The following CCDC138 variants were observed in gnomAD, a reference collection of about 807,000 sequenced individuals.
CCDC138 encodes the protein coiled-coil domain-containing protein 138.
Under a neutral mutation model 82.3 loss-of-function variants are expected in CCDC138, and 66 were observed. That is an observed-to-expected ratio of 0.80 (90% CI 0.66 to 0.98). CCDC138 has a LOEUF of 0.98. Ranked by LOEUF, CCDC138 falls within the 50% of genes least tolerant of loss-of-function variation. The pLI, the probability that CCDC138 is intolerant of heterozygous loss-of-function variation, is 0.00. For missense variants in CCDC138, 816 were observed against 758.9 expected, an observed-to-expected ratio of 1.08 and a Z score of -0.88; for synonymous variants, 297 against 265.4, an observed-to-expected ratio of 1.12 and a Z score of -1.16.
chr2:108,848,968 A>T (rs763948358), intron 12 of CCDC138, among the ~76,000 whole-genome samples: 2 of 152,232 alleles, frequency 1.3e-5, no homozygotes, highest in Non-Finnish European at 2.9e-5. Flanking sequence ...TATTATAACT[A>T]TATCCCTGTG....
intron 10 of CCDC138, among the ~76,000 whole-genome samples, chr2:108,817,287 A>G (rs766293065): frequency 1.5e-4 from 23 of 151,654 alleles, no homozygotes; most frequent in Non-Finnish European, 2.2e-4. Flanking sequence ...TGGAATTCAG[A>G]TAATCTTTTT....
chr2:108,832,651 A>G (rs924484715), intron 10 of CCDC138, among the ~76,000 whole-genome samples: 52 of 152,300 alleles, frequency 3.4e-4, no homozygotes, highest in African/African-American at 1.2e-3. Flanking sequence ...TTTGAGAACC[A>G]CTGGTATAGG....
chr2:108,839,351 A>C, intron 11 of CCDC138, 50 bp downstream of exon 11: 1 of 1,444,146 alleles, frequency 6.9e-7, no homozygotes, highest in Non-Finnish European at 9.5e-7. Context: ...ACCTAATATT[A>C]CTTCTTGATC....
chr2:108,800,637 T>A (rs1384945620), intron 6 of CCDC138, among the ~76,000 whole-genome samples: 7 of 73,296 alleles, frequency 9.6e-5, no homozygotes, highest in Admixed American at 4.8e-4. Flanking sequence ...TTTTTTTTTT[T>A]TAATTATACT....
At chr2:108,824,172 T>A (rs868773577) in intron 10 of CCDC138, among the ~76,000 whole-genome samples, 355 of 7,814 alleles carry the variant, frequency 0.045, 1 homozygote, top group East Asian at 0.12. Flanking sequence ...AAAAAAAAAT[T>A]TTTTCTTCAT....
At chr2:108,872,520 A>G (rs1473241789) in intron 13 of CCDC138, among the ~76,000 whole-genome samples, 1 of 152,162 alleles carries the variant, frequency 6.6e-6, no homozygotes, top group African/African-American at 2.4e-5. Flanking sequence ...TTATCCTACT[A>G]TAGCAGAATA....
In CCDC138 at chr2:108,830,874, A is replaced by C. The variant is rs149243343; in HGVS notation, c.1207-8311A>C. The stretch of plus-strand genomic sequence containing the variant: ...GCCAGAAAGTGTTCTTCATTGTGAC[A>C]TTTTGGCCAGGACAACTTGGCCAGG... On this transcript the variant is annotated intron_variant, in intron 10 of 14. Coordinates refer to ENST00000295124, the MANE Select transcript of CCDC138 (RefSeq NM_144978.3). Among the ~76,000 whole-genome samples, 466 of 150,988 alleles carry C rather than the reference A, an allele frequency of 3.1e-3. 4 individuals are homozygous for C. Among genetic ancestry groups the C allele is most frequent in the African/African-American group, 0.011 (454 of 41,148 alleles).
chr2:108,837,136 C>G (rs1688705746), intron 10 of CCDC138, among the ~76,000 whole-genome samples: 1 of 152,200 alleles, frequency 6.6e-6, no homozygotes, highest in South Asian at 2.1e-4. Flanking sequence ...GGAGGAAAGG[C>G]TTTCATTCTT....
chr2:108,793,568 T>A (rs929031141), intron 4 of CCDC138, among the ~76,000 whole-genome samples: 5 of 152,000 alleles, frequency 3.3e-5, no homozygotes, highest in African/African-American at 1.2e-4. Flanking sequence ...TGCTACTACT[T>A]ATATACCCTC....
At chr2:108,794,105 A>T (rs1424472715) in intron 4 of CCDC138, among the ~76,000 whole-genome samples, 1 of 152,212 alleles carries the variant, frequency 6.6e-6, no homozygotes, top group Non-Finnish European at 1.5e-5. Context: ...ATAAAATATA[A>T]AAGGCAAAAC....
intron 12 of CCDC138, among the ~76,000 whole-genome samples, chr2:108,850,515 G>T (rs374906312): frequency 1.3e-5 from 2 of 151,996 alleles, no homozygotes; most frequent in African/African-American, 2.4e-5. Flanking sequence ...GCAGTGGCAC[G>T]ATCTTGGCTC....
At chr2:108,853,277 T>G (rs1372733713) in intron 12 of CCDC138, among the ~76,000 whole-genome samples, 1 of 152,200 alleles carries the variant, frequency 6.6e-6, no homozygotes, top group Non-Finnish European at 1.5e-5. Context: ...GTGTCATTTT[T>G]ACAGAAGAGC....
intron 13 of CCDC138, among the ~76,000 whole-genome samples, chr2:108,864,590 G>A (rs1694120861): frequency 6.6e-6 from 1 of 152,098 alleles, no homozygotes; most frequent in Non-Finnish European, 1.5e-5. Flanking sequence ...GAGGTTAGGA[G>A]ATCGAGAGCA....
At chr2:108,866,808 G>A (rs1325982351) in intron 13 of CCDC138, among the ~76,000 whole-genome samples, 2 of 151,838 alleles carry the variant, frequency 1.3e-5, no homozygotes, top group Non-Finnish European at 2.9e-5. Context: ...GCTTGAACCC[G>A]GGAGGTGGAG....
At chr2:108,844,240 C>G (rs1690067775) in intron 11 of CCDC138, among the ~76,000 whole-genome samples, 1 of 152,144 alleles carries the variant, frequency 6.6e-6, no homozygotes, top group South Asian at 2.1e-4. Context: ...TTTGCTATTC[C>G]TTGAAGTTCT....
chr2:108,788,780 C>A (rs1330390850), intron 2 of CCDC138, 72 bp from the exon 3 acceptor site: 4 of 1,588,976 alleles, frequency 2.5e-6, no homozygotes, highest in Non-Finnish European at 2.6e-6. Context: ...ATTATTTAGA[C>A]TTATGGCCAG....
At chr2:108,803,484 C>T (rs1682331977) in intron 6 of CCDC138, among the ~76,000 whole-genome samples, 1 of 151,936 alleles carries the variant, frequency 6.6e-6, no homozygotes, top group Admixed American at 6.6e-5. Flanking sequence ...GCTGTGTTGC[C>T]CAGGCTGGAG....
chr2:108,839,823 T>C (rs1251310284), intron 11 of CCDC138, among the ~76,000 whole-genome samples: 1 of 151,960 alleles, frequency 6.6e-6, no homozygotes, highest in African/African-American at 2.4e-5. Context: ...AACAGTGTTG[T>C]GTTTTTTTTT....
Position 108,786,812 on chromosome 2 carries a change from T to C in CCDC138, c.-11T>C. On this transcript the variant is annotated 5_prime_UTR_variant, in exon 1 of 15. Coordinates refer to ENST00000295124, the MANE Select transcript of CCDC138 (RefSeq NM_144978.3). The stretch of plus-strand genomic sequence containing the variant: ...CGGTTCCCGGGGAGACTGGTACGGT[T>C]GCTGTGTGCTATGGAGCCGAGGGTC... The C allele has an allele frequency of 6.3e-7, 1 of 1,583,620 alleles. No homozygotes were observed. The highest frequency in any genetic ancestry group is 8.6e-7 in the Non-Finnish European group (1 of 1,165,704).
Sources: allele counts gnomAD v4.1 joint callset (sites outside exome capture counted in the v4.1 genomes callset), GRCh38; gene constraint gnomAD v4.1.1; transcripts MANE v1.5; gene names NCBI Gene and HGNC (gene_info 2026-07-23, HGNC 2026-07-21).